Variants in RANBP2 observed in about 807,000 individuals in gnomAD.
RANBP2 encodes E3 SUMO-protein ligase RanBP2.
RANBP2 carries 57 observed loss-of-function variants against 303.6 expected under a neutral mutation model. The observed-to-expected ratio is 0.19, with a 90% CI of 0.15 to 0.23. RANBP2 has a LOEUF of 0.23. RANBP2 is among the 10% of genes least tolerant of loss of function. The pLI, the probability that RANBP2 is intolerant of heterozygous loss-of-function variation, is 1.00. For missense variants in RANBP2, 3,138 were observed against 3,780.8 expected (o/e 0.83, Z 4.46); for synonymous variants, 1,167 against 1,301.5 (o/e 0.90, Z 2.23).
the RANBP2 span, among the ~76,000 whole-genome samples, chr2:108,991,217 C>A: frequency 6.6e-6 from 1 of 152,116 alleles, no homozygotes; most frequent in East Asian, 1.9e-4. Context: ...GCCTAGTCAT[C>A]ATATCCAAAT....
chr2:109,513,111 C>T, the RANBP2 span, among the ~76,000 whole-genome samples: 8 of 152,292 alleles, frequency 5.3e-5, no homozygotes, highest in African/African-American at 1.9e-4. Flanking sequence ...CCATGCCATG[C>T]CACCCCAGCT....
At chr2:109,713,008 T>C in the RANBP2 span, among the ~76,000 whole-genome samples, 5 of 151,892 alleles carry the variant, frequency 3.3e-5, no homozygotes, top group Admixed American at 3.3e-4. Flanking sequence ...TTTGACGGAA[T>C]ATGAAAAAAA....
chr2:109,656,478 C>T, the RANBP2 span, among the ~76,000 whole-genome samples: 1 of 152,172 alleles, frequency 6.6e-6, no homozygotes, highest in Non-Finnish European at 1.5e-5. Context: ...GCTGGGATCA[C>T]AGGTATGTGC....
chr2:109,113,670 T>G, the RANBP2 span, among the ~76,000 whole-genome samples: 5 of 152,252 alleles, frequency 3.3e-5, no homozygotes, highest in African/African-American at 1.2e-4. Context: ...TCCAACACTA[T>G]GTTGAATAGG....
At chr2:109,078,102 A>ATATATATATATATATGGCGTG in the RANBP2 span, among the ~76,000 whole-genome samples, 2 of 90,126 alleles carry the variant, frequency 2.2e-5, no homozygotes, top group Non-Finnish European at 4.5e-5. Flanking sequence ...ATATATATAT[A>ATATATATATATATATGGCGTG]TATATATATA....
chr2:109,104,409 T>C, the RANBP2 span, among the ~76,000 whole-genome samples: 1 of 151,914 alleles, frequency 6.6e-6, no homozygotes, highest in South Asian at 2.1e-4. Flanking sequence ...TCAGGTTTCT[T>C]TGGGTCTTTT....
the RANBP2 span, chr2:108,884,010 C>G: frequency 6.6e-6 from 1 of 152,196 alleles, no homozygotes; most frequent in African/African-American, 2.4e-5. Context: ...CTCAAGCAAT[C>G]CTTTCACCTT....
the RANBP2 span, among the ~76,000 whole-genome samples, chr2:109,053,781 G>T: frequency 6.6e-6 from 1 of 152,218 alleles, no homozygotes. Context: ...TTCGTCAGGG[G>T]CGTGAGCCAT....
chr2:109,301,912 G>A, the RANBP2 span, among the ~76,000 whole-genome samples: 1 of 152,164 alleles, frequency 6.6e-6, no homozygotes, highest in African/African-American at 2.4e-5. Context: ...CTTCCCCGGT[G>A]CGGGACCGGG....
chr2:108,797,212 A>G, the RANBP2 span, among the ~76,000 whole-genome samples: 2 of 152,178 alleles, frequency 1.3e-5, no homozygotes, highest in Admixed American at 6.5e-5. Flanking sequence ...CATAAGGAAT[A>G]TTAGTAATTA....
At chr2:108,768,975 A>G (rs1200303239) in intron 20 of RANBP2, among the ~76,000 whole-genome samples, 1 of 151,790 alleles carries the variant, frequency 6.6e-6, no homozygotes, top group Non-Finnish European at 1.5e-5. Context: ...TGGAGGTAGC[A>G]GTGAGCTGAA....
At chr2:109,494,491 G>T in the RANBP2 span, among the ~76,000 whole-genome samples, 1 of 152,128 alleles carries the variant, frequency 6.6e-6, no homozygotes, top group East Asian at 2.0e-4. Context: ...GACTCCTCGG[G>T]CTGGGACAGC....
the RANBP2 span, among the ~76,000 whole-genome samples, chr2:109,625,084 CAACAAA>C: frequency 6.5e-5 from 4 of 61,914 alleles, no homozygotes; most frequent in African/African-American, 1.8e-4. Flanking sequence ...ACAACAACAA[CAACAAA>C]AAAAAAAAAA....
the RANBP2 span, among the ~76,000 whole-genome samples, chr2:109,046,037 T>C: frequency 1.3e-5 from 2 of 152,056 alleles, no homozygotes; most frequent in African/African-American, 4.8e-5. Flanking sequence ...GGGCATGGTG[T>C]CTCACACCTG....
chr2:109,541,552 A>G, the RANBP2 span, among the ~76,000 whole-genome samples: 1 of 152,204 alleles, frequency 6.6e-6, no homozygotes, highest in Non-Finnish European at 1.5e-5. Context: ...ACTGCCTGCC[A>G]GACGGGATTT....
the RANBP2 span, among the ~76,000 whole-genome samples, chr2:109,353,217 G>T: frequency 6.6e-6 from 1 of 152,210 alleles, no homozygotes; most frequent in Admixed American, 6.5e-5. Flanking sequence ...CCGGCTCATT[G>T]CCTGCCCAGC....
chr2:109,312,008 C>G, the RANBP2 span, among the ~76,000 whole-genome samples: 1 of 148,906 alleles, frequency 6.7e-6, no homozygotes, highest in African/African-American at 2.6e-5. Context: ...TGGTGCTGTC[C>G]AGTTTTGAAC....
chr2:109,656,274 T>C, the RANBP2 span, among the ~76,000 whole-genome samples: 2 of 152,288 alleles, frequency 1.3e-5, no homozygotes, highest in South Asian at 2.1e-4. Flanking sequence ...GTGTATACCA[T>C]CCATTGGAAC....
At chr2:109,416,154 C>T in the RANBP2 span, among the ~76,000 whole-genome samples, 15 of 152,318 alleles carry the variant, frequency 9.8e-5, no homozygotes, top group South Asian at 8.3e-4. Context: ...GGTATTCTGT[C>T]GTAAGCAACA....
Sources: allele counts gnomAD v4.1 joint callset (sites outside exome capture counted in the v4.1 genomes callset), GRCh38; gene constraint gnomAD v4.1.1; transcripts MANE v1.5; gene names NCBI Gene and HGNC (gene_info 2026-07-23, HGNC 2026-07-21).